The following SH3TC1 variants were observed in gnomAD, a reference collection of about 807,000 sequenced individuals.
SH3TC1 encodes the protein SH3 domain and tetratricopeptide repeat-containing protein 1.
SH3TC1 carries 135 observed loss-of-function variants against 117.3 expected under a neutral mutation model. That is an observed-to-expected ratio of 1.15 (90% CI 1.00 to 1.33). SH3TC1 has a LOEUF of 1.33. SH3TC1 is among the 40% of genes most tolerant of loss of function. The pLI is 0.00. For missense variants in SH3TC1, 2,092 were observed against 1,794.3 expected, an observed-to-expected ratio of 1.17 and a Z score of -3.00; for synonymous variants, 898 against 816.9, an observed-to-expected ratio of 1.10 and a Z score of -1.69.
At chr4:8,219,116 C>G (rs1398136817) in intron 8 of SH3TC1, among the ~76,000 whole-genome samples, 2 of 152,186 alleles carry the variant, frequency 1.3e-5, no homozygotes, top group Admixed American at 1.3e-4. Context: ...CATCTCTGAG[C>G]CTCCATTTTT....
rs748511271 is a variant in SH3TC1 at position 8,231,998 on chromosome 4, G to A, written c.2973G>A (p.Arg991=). 4 of 1,612,264 alleles carry A rather than the reference G, an allele frequency of 2.5e-6. No homozygotes were observed. Among genetic ancestry groups the A allele is most frequent in the Middle Eastern group, 1.7e-4 (1 of 6,060 alleles). The change falls in exon 13 of 18, where the codon CGG becomes CGA. Residue 991 remains arginine (R), a synonymous_variant. Transcript: ENST00000245105. ...HVESQLRAVQ[R]LCHFYSAVMP... ...CAGGCCAGCTGCGGGCCGTCCAGCG[G>A]CTGTGCCACTTCTACAGCGCCGTCA... is the stretch of plus-strand genomic sequence containing the variant.
intron 13 of SH3TC1, 115 bp downstream of exon 13, chr4:8,232,271 T>G: frequency 6.9e-7 from 1 of 1,446,218 alleles, no homozygotes. Flanking sequence ...TGGGATCATT[T>G]GGTTCCTTGG....
chr4:8,230,842 G>A (rs57499094), intron 12 of SH3TC1, among the ~76,000 whole-genome samples: 1 of 150,078 alleles, frequency 6.7e-6, no homozygotes, highest in African/African-American at 2.5e-5. Flanking sequence ...GAGTGCAGTG[G>A]TGCAATCTCG....
At chr4:8,231,696 C>T in intron 12 of SH3TC1, 1 of 474,564 alleles carries the variant, frequency 2.1e-6, no homozygotes. Context: ...CGGCCCTGGT[C>T]CTGGCCAGAG....
chr4:8,225,203 G>C lies in SH3TC1; in HGVS notation c.1272G>C (p.Gln424His). The change falls in exon 11 of 18, where the codon CAG becomes CAC. Residue 424 changes from glutamine to histidine, a missense_variant. By Grantham distance (24) the Gln-to-His change is conservative (BLOSUM62 0). Transcript: ENST00000245105. The surrounding 1 kb of genome is among the most constrained non-coding windows in gnomAD (Gnocchi z 5.5). ...LDSVEEAETE[Q>H]PQEKEIPPPC... is the part of the protein sequence containing the mutation. ...CAGTAGAGGAAGCTGAGACCGAGCA[G>C]CCGCAGGAAAAAGGTGGGTTTTGCC... 6.2e-7 allele frequency: 1 copy of C among 1,613,876 alleles called. No homozygotes were observed. Among genetic ancestry groups the C allele is most frequent in the South Asian group, 1.1e-5 (1 of 91,030 alleles).
chr4:8,216,874 T>C (rs1719332270), intron 6 of SH3TC1, 83 bp from the exon 7 acceptor site: 4 of 1,428,608 alleles, frequency 2.8e-6, no homozygotes, highest in Middle Eastern at 1.8e-4. Flanking sequence ...GCCTTCGTTG[T>C]CTGTCCGGCA....
At chr4:8,215,674 C>G (rs560818526) in intron 5 of SH3TC1, among the ~76,000 whole-genome samples, 2 of 152,178 alleles carry the variant, frequency 1.3e-5, no homozygotes, top group South Asian at 4.1e-4. Context: ...GGGGGGAGCT[C>G]GCAGCATCCC....
Position 8,228,549 on chromosome 4 carries a change from T to G in SH3TC1, c.2855T>G (p.Leu952Arg). 6.2e-7 allele frequency: 1 copy of G among 1,609,416 alleles called. No homozygotes were observed. Among genetic ancestry groups the G allele is most frequent in the African/African-American group, 1.3e-5 (1 of 75,034 alleles). The change falls in exon 12 of 18, where the codon CTG (leucine) becomes CGG (arginine). Residue 952 changes from leucine to arginine, a missense_variant. Coordinates refer to ENST00000245105, the MANE Select transcript of SH3TC1 (RefSeq NM_018986.5). Reference sequence around the variant, plus strand: ...GACTTCACCCACGTGCTCCTGCAGCTGGGCCATCTCTGCACCCGCCAGGGC... The same window carrying G: ...GACTTCACCCACGTGCTCCTGCAGCGGGGCCATCTCTGCACCCGCCAGGGC... ...GRDFTHVLLQ[L>R]GHLCTRQGPA...
chr4:8,236,322 GGAGCTGCGGCTGTGCAA>G lies in SH3TC1; in HGVS notation c.3451_3467del (p.Glu1151GlnfsTer73), dbSNP rs767939735. ...CAGTGACTACGGGCAACCGCAAGGC[GGAGCTGCGGCTGTGCAA>G]CAAGCTGGTGGCACTGCTGGCCACG... On this transcript the variant is annotated frameshift_variant, in exon 16 of 18. Coordinates refer to ENST00000245105, the MANE Select transcript of SH3TC1 (RefSeq NM_018986.5). LOFTEE classifies it high-confidence loss of function. The G allele has an allele frequency of 3.9e-5, 60 of 1,554,502 alleles. 1 individual carries two copies. The Admixed American group carries it at 9.8e-4, about 26-fold the overall frequency.
intron 5 of SH3TC1, among the ~76,000 whole-genome samples, 193 bp downstream of exon 5, chr4:8,214,773 C>A (rs563597575): frequency 6.6e-6 from 1 of 151,854 alleles, no homozygotes; most frequent in African/African-American, 2.4e-5. Flanking sequence ...AACCCCTGCT[C>A]CCCGGGTTCA....
At chr4:8,230,553 G>A (rs992591527) in intron 12 of SH3TC1, among the ~76,000 whole-genome samples, 5 of 152,002 alleles carry the variant, frequency 3.3e-5, no homozygotes, top group South Asian at 2.1e-4. Context: ...TAGCTCTTTT[G>A]TTTTTCCATT....
intron 1 of SH3TC1, chr4:8,204,938 T>G: frequency 8.6e-6 from 3 of 349,228 alleles, no homozygotes; most frequent in Non-Finnish European, 1.0e-5. Flanking sequence ...GGAGGCCCCG[T>G]GGAGGAAGGG....
At chr4:8,189,363 G>T (rs543802643) in intron 1 of SH3TC1, among the ~76,000 whole-genome samples, 12 of 152,278 alleles carry the variant, frequency 7.9e-5, no homozygotes, top group Admixed American at 7.8e-4. Context: ...GGCGGAGCAT[G>T]CTGAGTCTTT....
chr4:8,182,331 T>C (rs574569447), intron 1 of SH3TC1: 1 of 152,338 alleles, frequency 6.6e-6, no homozygotes, highest in Admixed American at 6.5e-5. Context: ...AGGGTTTTCA[T>C]GGGGAGGGTG....
At chr4:8,196,977 A>T (rs1223075937), upstream of SH3TC1, among the ~76,000 whole-genome samples, 1 of 152,214 alleles carries the variant, frequency 6.6e-6, no homozygotes. This position sits in a 1 kb window ranked among gnomAD's most constrained non-coding sequence, Gnocchi z 4.6. Flanking sequence ...GCTGACACCA[A>T]AAGGTAGGAC....
upstream of SH3TC1, among the ~76,000 whole-genome samples, chr4:8,197,205 G>A (rs1192034799): frequency 6.6e-6 from 1 of 152,172 alleles, no homozygotes; most frequent in Admixed American, 6.5e-5. Context: ...TCTAGCCGGA[G>A]CATACCTGGA....
upstream of SH3TC1, among the ~76,000 whole-genome samples, chr4:8,194,822 C>T (rs1717510902): frequency 6.6e-6 from 1 of 152,198 alleles, no homozygotes. Context: ...CCTGGAAAAC[C>T]CCAGACTCCT....
intron 11 of SH3TC1, 100 bp from the exon 12 acceptor site, chr4:8,226,880 G>A (rs1437144003): frequency 7.2e-6 from 6 of 830,952 alleles, no homozygotes; most frequent in Admixed American, 7.0e-5. Context: ...AAAGTGCTGC[G>A]CCGGGGACAC....
intron 13 of SH3TC1, chr4:8,232,917 G>A: frequency 8.3e-7 from 1 of 1,198,160 alleles, no homozygotes. Flanking sequence ...TGTGGCAAGT[G>A]GGAGTTCTAG....
Sources: gnomAD v4.1 joint callset for allele counts (sites outside exome capture counted in the v4.1 genomes callset) on GRCh38, gnomAD v4.1.1 for gene constraint, Gnocchi (gnomAD v3.1) non-coding constraint, MANE v1.5 for transcripts, NCBI Gene and HGNC (gene_info 2026-07-23, HGNC 2026-07-21) for gene names.